CNKSR3: variants seen among roughly 807,000 people sequenced by gnomAD.
CNKSR3 encodes CNKSR family member 3.
Under a neutral mutation model 67.7 loss-of-function variants are expected in CNKSR3, and 36 were observed. The observed-to-expected ratio is 0.53, with a 90% CI of 0.41 to 0.70. The LOEUF is 0.70. CNKSR3 is among the 30% of genes least tolerant of loss of function. The pLI is 0.00. For synonymous variants in CNKSR3, 281 were observed against 271.4 expected (o/e 1.04, Z -0.35); for missense variants, 630 against 695.2 (o/e 0.91, Z 1.05).
intron 7 of CNKSR3, 137 bp from the exon 8 acceptor site, chr6:154,423,120 T>A: frequency 1.7e-6 from 1 of 587,656 alleles, no homozygotes; most frequent in Non-Finnish European, 3.0e-6. Context: ...TGCACTTTAT[T>A]CCCCTGAGAC....
rs1014346967 is a variant in CNKSR3 at position 154,497,157 on chromosome 6, C to T, written c.52+12906G>A. Among the ~76,000 whole-genome samples, 5 of 151,806 alleles carry T rather than the reference C, an allele frequency of 3.3e-5. No homozygotes were observed. In the South Asian group the frequency reaches 6.3e-4, roughly 19 times the overall value. On this transcript the variant is annotated intron_variant, in intron 1 of 12. Transcript: ENST00000607772. ...CTTTGGGAGGCTGAGGCAGGAGGAT[C>T]GTTTTGAGCTCAGGAATTTGAAACC...
chr6:154,406,558 C>G lies in CNKSR3; in HGVS notation c.1464G>C (p.Thr488=), dbSNP rs773662783. ...SSPPYRFSRP[T]TERHLVRGAD... The stretch of plus-strand genomic sequence containing the variant: ...CACCCCGGACCAGATGCCGCTCGGT[C>G]GTGGGTCTGGAGAACCGGTATGGGG... Residue 488 remains threonine, a synonymous_variant, in exon 13 of 13, where the codon ACG becomes ACC. Transcript: ENST00000607772. The G allele has an allele frequency of 3.1e-6, 5 of 1,614,170 alleles. No homozygotes were observed. Among genetic ancestry groups the G allele is most frequent in the Non-Finnish European group, 4.2e-6 (5 of 1,180,028 alleles).
At chr6:154,507,885 A>G (rs1351072295) in intron 1 of CNKSR3, among the ~76,000 whole-genome samples, 5 of 152,210 alleles carry the variant, frequency 3.3e-5, no homozygotes, top group African/African-American at 7.2e-5. Flanking sequence ...TTTCCCTTTT[A>G]AATACTCAAC....
At chr6:154,454,968 C>T (rs1318626961) in intron 1 of CNKSR3, among the ~76,000 whole-genome samples, 1 of 152,042 alleles carries the variant, frequency 6.6e-6, no homozygotes, top group Non-Finnish European at 1.5e-5. Flanking sequence ...TCATTGGTTT[C>T]ACCTAAAAAA....
intron 9 of CNKSR3, 60 bp from the exon 10 acceptor site, chr6:154,414,483 G>GTGT: frequency 6.5e-7 from 1 of 1,543,316 alleles, no homozygotes; most frequent in Non-Finnish European, 8.7e-7. Flanking sequence ...ATGATTCTTG[G>GTGT]TGTTTATTTC....
chr6:154,410,371 A>G lies in CNKSR3; in HGVS notation c.1341T>C (p.Phe447=). Residue 447 remains phenylalanine (F), a synonymous_variant, in exon 12 of 13, where the codon TTT becomes TTC. Transcript: ENST00000607772. ...DGNWMGIVDP[F]ARPRGHGRKG... ...TCCTGCCATGACCTCGAGGTCTGGC[A>G]AAAGGGTCCACAATCCCCATCCAGT... is the stretch of plus-strand genomic sequence containing the variant. 6.2e-7 allele frequency: 1 copy of G among 1,613,888 alleles called. No homozygotes were observed. Among genetic ancestry groups the G allele is most frequent in the Non-Finnish European group, 8.5e-7 (1 of 1,179,794 alleles).
At chr6:154,473,368 C>G (rs1786372786) in intron 1 of CNKSR3, among the ~76,000 whole-genome samples, 1 of 152,202 alleles carries the variant, frequency 6.6e-6, no homozygotes, top group Non-Finnish European at 1.5e-5. Context: ...GTTCATCATA[C>G]AAGCTCCAGG....
At chr6:154,490,635 A>T (rs1036549106) in intron 1 of CNKSR3, among the ~76,000 whole-genome samples, 8 of 152,146 alleles carry the variant, frequency 5.3e-5, no homozygotes, top group Non-Finnish European at 1.0e-4. Flanking sequence ...AGACTTACAG[A>T]GGGGCTTGGT....
At chr6:154,484,309 A>G (rs1786622456) in intron 1 of CNKSR3, among the ~76,000 whole-genome samples, 1 of 152,240 alleles carries the variant, frequency 6.6e-6, no homozygotes, top group Non-Finnish European at 1.5e-5. Flanking sequence ...ACAGAAGTCA[A>G]GAAACATCTT....
intron 1 of CNKSR3, among the ~76,000 whole-genome samples, chr6:154,506,389 C>A (rs1787104294): frequency 6.6e-6 from 1 of 152,150 alleles, no homozygotes; most frequent in Non-Finnish European, 1.5e-5. Flanking sequence ...GAAATTACAG[C>A]AACCAGCCTT....
Position 154,424,249 on chromosome 6 carries a change from G to A in CNKSR3, c.730-1266C>T, listed in dbSNP as rs930869810. ...CCGTCTCAAAAAAAAAAAAAAAAAA[G>A]AAAAGAAAAAAGAAATATAAAGGGA... is the stretch of plus-strand genomic sequence containing the variant. On this transcript the variant is annotated intron_variant, in intron 7 of 12. Transcript: ENST00000607772. Among the ~76,000 whole-genome samples the A allele has an allele frequency of 7.5e-3, 886 of 117,940 alleles. 9 individuals are homozygous for A. Among genetic ancestry groups the A allele is most frequent in the African/African-American group, 0.034 (768 of 22,452 alleles). The allele number at this position is 117,940 out of a possible 152,430, so 77.4% of individuals were successfully genotyped here.
At chr6:154,456,491 AGTTCGAGACGAGCCTGGCCAACATG>A (rs1785958334) in intron 1 of CNKSR3, among the ~76,000 whole-genome samples, 1 of 149,816 alleles carries the variant, frequency 6.7e-6, no homozygotes, top group South Asian at 2.1e-4. Flanking sequence ...TGAGGTCAGG[AGTTCGAGACGAGCCTGGCCAACATG>A]GTGAAACACC....
chr6:154,496,867 C>G (rs1232622215), intron 1 of CNKSR3, among the ~76,000 whole-genome samples: 1 of 152,132 alleles, frequency 6.6e-6, no homozygotes, highest in Admixed American at 6.5e-5. Flanking sequence ...TTTTATCAGG[C>G]CAAACTTACC....
intron 9 of CNKSR3, among the ~76,000 whole-genome samples, chr6:154,420,477 CA>C (rs543531960): frequency 7.2e-4 from 109 of 151,900 alleles, no homozygotes; most frequent in Admixed American, 1.8e-3. Context: ...ATCACGAGGT[CA>C]GGAGATCGAG....
chr6:154,494,113 G>C (rs1170324335), intron 1 of CNKSR3, among the ~76,000 whole-genome samples: 1 of 152,040 alleles, frequency 6.6e-6, no homozygotes, highest in Admixed American at 6.5e-5. Context: ...CCTGAGACTG[G>C]GCAATTTATA....
intron 7 of CNKSR3, among the ~76,000 whole-genome samples, chr6:154,423,314 G>C (rs1051480803): frequency 2.6e-5 from 4 of 152,292 alleles, no homozygotes; most frequent in African/African-American, 9.6e-5. Flanking sequence ...ACCCAGGCTG[G>C]AGGGCAATGG....
chr6:154,435,314 A>G (rs1785449551), intron 4 of CNKSR3, among the ~76,000 whole-genome samples: 1 of 152,108 alleles, frequency 6.6e-6, no homozygotes, highest in East Asian at 1.9e-4. Context: ...CTAAATTAAT[A>G]CAAGCACTGT....
chr6:154,418,505 C>T (rs1785069240), intron 9 of CNKSR3, among the ~76,000 whole-genome samples: 1 of 152,158 alleles, frequency 6.6e-6, no homozygotes, highest in Non-Finnish European at 1.5e-5. Flanking sequence ...CCCACCTACC[C>T]TCCCAGGCTC....
intron 1 of CNKSR3, chr6:154,478,476 C>CCGTGTTTATT (rs1297512182): frequency 1.3e-5 from 2 of 152,548 alleles, no homozygotes; most frequent in African/African-American, 4.8e-5. Context: ...CTGGACTGCA[C>CCGTGTTTATT]CGTGTTTATT....
Sources: gnomAD v4.1 joint callset for allele counts (sites outside exome capture counted in the v4.1 genomes callset) on GRCh38, gnomAD v4.1.1 for gene constraint, MANE v1.5 for transcripts, NCBI Gene and HGNC (gene_info 2026-07-23, HGNC 2026-07-21) for gene names.